BMPR1B: variants seen among roughly 807,000 people sequenced by gnomAD.
BMPR1B encodes bone morphogenetic protein receptor type 1B.
BMPR1B carries 12 observed loss-of-function variants against 59.1 expected under a neutral mutation model. The observed-to-expected ratio is 0.20, with a 90% CI of 0.13 to 0.33. The LOEUF (loss-of-function observed/expected upper bound fraction) is 0.33, where lower values mean the gene tolerates loss of function less well. BMPR1B is among the 10% of genes least tolerant of loss of function. The pLI, the probability that BMPR1B is intolerant of heterozygous loss-of-function variation, is 1.00. For synonymous variants in BMPR1B, 237 were observed against 207.3 expected (o/e 1.14, Z -1.23); for missense variants, 550 against 610.9 (o/e 0.90, Z 1.05).
intron 3 of BMPR1B, among the ~76,000 whole-genome samples, chr4:95,080,436 A>G (rs1187539955): frequency 2.6e-5 from 4 of 152,110 alleles, no homozygotes; most frequent in African/African-American, 4.8e-5. Context: ...GAGTTTCACC[A>G]TGTTAGCCAG....
chr4:94,955,070 A>G (rs1471788530), intron 2 of BMPR1B, among the ~76,000 whole-genome samples: 2 of 152,172 alleles, frequency 1.3e-5, no homozygotes, highest in Admixed American at 6.5e-5. Context: ...ATGTTGCTTT[A>G]TAGTATGCAT....
intron 1 of BMPR1B, among the ~76,000 whole-genome samples, chr4:94,793,558 G>A (rs1325878216): frequency 6.7e-6 from 1 of 149,422 alleles, no homozygotes; most frequent in African/African-American, 2.5e-5. Context: ...GGGTCAAATG[G>A]TATTTCCAGT....
At chr4:94,915,321 G>A (rs925033211) in intron 2 of BMPR1B, among the ~76,000 whole-genome samples, 8 of 151,902 alleles carry the variant, frequency 5.3e-5, no homozygotes, top group Non-Finnish European at 1.2e-4. Context: ...TGAGTTATTT[G>A]AATCTTGTTT....
intron 2 of BMPR1B, among the ~76,000 whole-genome samples, chr4:94,944,872 C>G (rs890577490): frequency 6.6e-6 from 1 of 152,110 alleles, no homozygotes; most frequent in Non-Finnish European, 1.5e-5. Context: ...CAGCTTTTTT[C>G]CGTGACATCA....
At chr4:95,092,537 T>TA (rs1730068180) in intron 3 of BMPR1B, among the ~76,000 whole-genome samples, 1 of 152,146 alleles carries the variant, frequency 6.6e-6, no homozygotes, top group Non-Finnish European at 1.5e-5. Context: ...TAATAGTTGA[T>TA]AATAGTGTTT....
At chr4:95,129,590 G>A (rs1189395751) in intron 8 of BMPR1B, among the ~76,000 whole-genome samples, 4 of 151,744 alleles carry the variant, frequency 2.6e-5, no homozygotes, top group African/African-American at 9.7e-5. Context: ...GCCTACTCAG[G>A]TTTTTTCTCT....
At chr4:95,080,949 A>G (rs749889874) in intron 3 of BMPR1B, among the ~76,000 whole-genome samples, 2 of 152,180 alleles carry the variant, frequency 1.3e-5, no homozygotes, top group Non-Finnish European at 1.5e-5. Flanking sequence ...TGGTTTGGCT[A>G]TGTCTCCACC....
In BMPR1B at chr4:94,951,627, A is replaced by G. The variant is rs183896068; in HGVS notation, c.-112-44413A>G. Among the ~76,000 whole-genome samples, 17 of 152,252 alleles carry G rather than the reference A, an allele frequency of 1.1e-4. No individual in the cohort carries two copies. In the East Asian group the frequency reaches 3.1e-3, roughly 28 times the overall value. ...TGAAGCCGACTTGATCGTGGTGGATAAGGTTTGTGATGTGCTGCTGGATTC... is the reference window on the plus strand; with the variant it reads ...TGAAGCCGACTTGATCGTGGTGGATGAGGTTTGTGATGTGCTGCTGGATTC... On this transcript the variant is annotated intron_variant, in intron 2 of 12. Transcript: ENST00000515059.
chr4:94,818,131 A>T (rs954141640), intron 1 of BMPR1B, among the ~76,000 whole-genome samples: 2 of 152,256 alleles, frequency 1.3e-5, no homozygotes, highest in South Asian at 4.1e-4. Context: ...TGTTCTTTGT[A>T]TTCTGTCTCT....
Position 95,025,774 on chromosome 4 carries a change from T to C in BMPR1B, c.-18+29640T>C, listed in dbSNP as rs565242710. On this transcript the variant is annotated intron_variant, in intron 3 of 12. Coordinates refer to ENST00000515059, the MANE Select transcript of BMPR1B (RefSeq NM_001203.3). ...TTTTGAATTTTTTCAATATATGTTA[T>C]AGAACTTTGACCAAAGTCTTAGTTC... Among the ~76,000 whole-genome samples, 4 of 152,300 alleles carry C rather than the reference T, an allele frequency of 2.6e-5. No homozygotes were observed. The East Asian group carries it at 7.7e-4, about 29-fold the overall frequency.
intron 3 of BMPR1B, among the ~76,000 whole-genome samples, chr4:95,026,702 C>T (rs1044634570): frequency 2.1e-5 from 3 of 140,734 alleles, no homozygotes; most frequent in Non-Finnish European, 3.1e-5. Context: ...CTCCCCTCCC[C>T]TCCCCTGTCC....
intron 3 of BMPR1B, among the ~76,000 whole-genome samples, chr4:95,028,800 A>G (rs539515339): frequency 1.9e-3 from 296 of 152,218 alleles, no homozygotes; most frequent in African/African-American, 6.8e-3. Flanking sequence ...CTGTATATCA[A>G]CAAAATATTA....
At chr4:95,148,683 T>G in intron 10 of BMPR1B, 65 bp from the exon 11 acceptor site, 1 of 1,517,926 alleles carries the variant, frequency 6.6e-7, no homozygotes, top group Non-Finnish European at 9.1e-7. Flanking sequence ...TGTTTCAGAA[T>G]CACCTTGATT....
rs34444977 is a variant in BMPR1B at position 94,801,868 on chromosome 4, TGA to T, written c.-183+43806_-183+43807del. ...GATTAAATAAATAAAGTAAATAATT[TGA>T]GAGAGTTAACAGTTAATTAACAGTT... On this transcript the variant is annotated intron_variant, in intron 1 of 12. Transcript: ENST00000515059. Among the ~76,000 whole-genome samples the T allele has an allele frequency of 4.7e-3, 714 of 152,354 alleles. 8 individuals carry two copies. The highest frequency in any genetic ancestry group is 0.016 in the African/African-American group (675 of 41,582).
At chr4:94,921,439 A>G (rs979059302) in intron 2 of BMPR1B, among the ~76,000 whole-genome samples, 2 of 152,118 alleles carry the variant, frequency 1.3e-5, no homozygotes, top group Non-Finnish European at 2.9e-5. Context: ...TAGCTCCAGC[A>G]TCTGCTTGGC....
intron 1 of BMPR1B, among the ~76,000 whole-genome samples, chr4:94,801,008 G>A (rs540353296): frequency 3.3e-5 from 5 of 152,180 alleles, no homozygotes; most frequent in Non-Finnish European, 5.9e-5. Flanking sequence ...TGGGATTTGA[G>A]CTAAATTTTT....
intron 2 of BMPR1B, among the ~76,000 whole-genome samples, chr4:94,943,072 A>G (rs965820937): frequency 3.9e-5 from 6 of 152,132 alleles, no homozygotes; most frequent in Non-Finnish European, 7.3e-5. Context: ...ATATCCCAGT[A>G]TATGCAGAGT....
At chr4:94,807,412 G>A (rs1202947742) in intron 1 of BMPR1B, among the ~76,000 whole-genome samples, 1 of 152,084 alleles carries the variant, frequency 6.6e-6, no homozygotes, top group Non-Finnish European at 1.5e-5. Flanking sequence ...ATTCTTGAAT[G>A]AAAAAACTGG....
chr4:94,970,246 C>CTT (rs1378567564), intron 2 of BMPR1B, among the ~76,000 whole-genome samples: 1 of 57,382 alleles, frequency 1.7e-5, no homozygotes, highest in African/African-American at 5.5e-5. Context: ...TTTTTCTTCT[C>CTT]TTCTCTTCTC....
Sources: allele counts gnomAD v4.1 joint callset (sites outside exome capture counted in the v4.1 genomes callset), GRCh38; gene constraint gnomAD v4.1.1; transcripts MANE v1.5; gene names NCBI Gene and HGNC (gene_info 2026-07-23, HGNC 2026-07-21).